Variants in LOXHD1 observed in about 807,000 individuals in gnomAD.
LOXHD1 encodes lipoxygenase homology domain-containing protein 1.
A neutral mutation model predicts 248.2 loss-of-function variants in LOXHD1; 205 were observed. The ratio of observed to expected loss-of-function variants is 0.83; its 90% CI spans 0.74 to 0.93. The LOEUF (loss-of-function observed/expected upper bound fraction) is 0.93. Ranked by LOEUF, LOXHD1 falls within the 40% of genes least tolerant of loss-of-function variation. The pLI is 0.00. For synonymous variants in LOXHD1, 1,113 were observed against 1,162.8 expected (o/e 0.96, Z 0.87); for missense variants, 2,930 against 2,971.6 (o/e 0.99, Z 0.33).
At chr18:46,593,198 TA>T (rs146099383) in intron 10 of LOXHD1, among the ~76,000 whole-genome samples, 52,067 of 151,996 alleles carry the variant, frequency 0.34, 10,860 homozygotes, top group Middle Eastern at 0.47. Context: ...AGCTGAATTT[TA>T]AAAAAAGTTC....
At chr18:46,641,448 T>C (rs1161738424) in intron 3 of LOXHD1, among the ~76,000 whole-genome samples, 6 of 152,246 alleles carry the variant, frequency 3.9e-5, no homozygotes, top group Admixed American at 3.3e-4. Flanking sequence ...AGACTGCGGA[T>C]GCTCTCTGTC....
intron 18 of LOXHD1, among the ~76,000 whole-genome samples, chr18:46,562,531 T>G (rs1353530113): frequency 6.6e-6 from 1 of 152,216 alleles, no homozygotes; most frequent in Non-Finnish European, 1.5e-5. Flanking sequence ...CCTGGGATAC[T>G]CAGGAAACAG....
At chr18:46,574,813 C>G (rs932960946) in intron 14 of LOXHD1, among the ~76,000 whole-genome samples, 1 of 152,062 alleles carries the variant, frequency 6.6e-6, no homozygotes, top group African/African-American at 2.4e-5. Flanking sequence ...GTGCAGAAGA[C>G]CAGACAAGGG....
intron 28 of LOXHD1, among the ~76,000 whole-genome samples, chr18:46,530,257 G>T (rs2036003576): frequency 6.6e-6 from 1 of 152,134 alleles, no homozygotes; most frequent in South Asian, 2.1e-4. Flanking sequence ...AACTTCCCTT[G>T]TCCTGGGAGG....
chr18:46,509,902 T>A, intron 34 of LOXHD1, 87 bp from the exon 35 acceptor site: 1 of 976,792 alleles, frequency 1.0e-6, no homozygotes, highest in East Asian at 2.6e-5. Flanking sequence ...AGGTTTGGGG[T>A]GAGGGAGAAG....
chr18:46,588,455 C>T (rs1487545298), intron 12 of LOXHD1, among the ~76,000 whole-genome samples: 1 of 152,156 alleles, frequency 6.6e-6, no homozygotes, highest in Non-Finnish European at 1.5e-5. Flanking sequence ...GATAGCCCCA[C>T]AATTGTACAC....
chr18:46,624,757 G>C (rs1432773594), intron 4 of LOXHD1, among the ~76,000 whole-genome samples: 1 of 152,158 alleles, frequency 6.6e-6, no homozygotes, highest in Non-Finnish European at 1.5e-5. Flanking sequence ...GACGATGGAT[G>C]ACAGGCTTTC....
chr18:46,541,677 T>G, intron 25 of LOXHD1, 99 bp downstream of exon 25: 1 of 1,368,870 alleles, frequency 7.3e-7, no homozygotes, highest in Non-Finnish European at 1.0e-6. Context: ...AAGGTGGGCC[T>G]GGCCCACAGT....
At chr18:46,577,685 C>G in intron 14 of LOXHD1, 22 bp downstream of exon 14, 1 of 1,545,798 alleles carries the variant, frequency 6.5e-7, no homozygotes, top group Non-Finnish European at 8.8e-7. Flanking sequence ...GGAGAAAACA[C>G]CAGCAGGCAG....
At chr18:46,630,667 C>T (rs1037757511) in intron 4 of LOXHD1, among the ~76,000 whole-genome samples, 1 of 152,154 alleles carries the variant, frequency 6.6e-6, no homozygotes, top group African/African-American at 2.4e-5. Context: ...ACTGAGTAGC[C>T]CTGCATTCTC....
chr18:46,624,407 G>T (rs1039038915), intron 4 of LOXHD1, among the ~76,000 whole-genome samples: 7 of 152,198 alleles, frequency 4.6e-5, no homozygotes, highest in Non-Finnish European at 8.8e-5. Flanking sequence ...ACACAGATGT[G>T]GGGAGGGGTT....
At chr18:46,559,100 C>A in intron 20 of LOXHD1, 1 of 1,306,988 alleles carries the variant, frequency 7.7e-7, no homozygotes, top group South Asian at 1.2e-5. Flanking sequence ...TAAGTTGCTC[C>A]CTCCCCCTAG....
chr18:46,511,062 G>T (rs1247850868), intron 34 of LOXHD1, among the ~76,000 whole-genome samples: 1 of 152,204 alleles, frequency 6.6e-6, no homozygotes, highest in Non-Finnish European at 1.5e-5. Context: ...TTAGCCAAGT[G>T]TCTTCATTTT....
At chr18:46,530,356 A>T (rs922464388) in intron 28 of LOXHD1, among the ~76,000 whole-genome samples, 3 of 152,192 alleles carry the variant, frequency 2.0e-5, no homozygotes, top group Non-Finnish European at 4.4e-5. Flanking sequence ...GGGCTTCTTT[A>T]CAGACTTGAA....
Position 46,541,925 on chromosome 18 carries a change from C to A in LOXHD1, c.3764G>T (p.Trp1255Leu). The A allele has an allele frequency of 1.3e-6, 2 of 1,551,452 alleles. No individual in the cohort carries two copies. Among genetic ancestry groups the A allele is most frequent in the Non-Finnish European group, 1.7e-6 (2 of 1,146,854 alleles). ...ATCCACCTCTACCCAGTCTACAAAC[C>A]AGCCTGGGGCCTTGCCTAGAGAGAG... ...GHDNTGKAPG[W>L]FVDWVEVDAP... The change falls in exon 25 of 41, where the codon TGG (tryptophan) becomes TTG (leucine). Residue 1255 changes from tryptophan to leucine, a missense_variant. By Grantham distance (61) the Trp-to-Leu change is moderately conservative. Transcript: ENST00000642948.
At chr18:46,636,262 AAAG>A (rs1478242003) in intron 4 of LOXHD1, among the ~76,000 whole-genome samples, 1 of 152,182 alleles carries the variant, frequency 6.6e-6, no homozygotes, top group East Asian at 1.9e-4. Context: ...AAGTGCATTT[AAAG>A]AAGAGCCTAG....
intron 34 of LOXHD1, among the ~76,000 whole-genome samples, chr18:46,515,580 G>A (rs536452341): frequency 6.6e-5 from 10 of 152,286 alleles, no homozygotes; most frequent in African/African-American, 2.2e-4. Context: ...TTCCAGAAAC[G>A]AGATGCCTCT....
At chr18:46,570,569 G>A (rs1225288609) in intron 15 of LOXHD1, among the ~76,000 whole-genome samples, 1 of 152,222 alleles carries the variant, frequency 6.6e-6, no homozygotes, top group African/African-American at 2.4e-5. Context: ...TGAGGAAATG[G>A]CCTCTATTCT....
At position 46,485,031 on chromosome 18, in the gene LOXHD1, C is replaced by T. The variant is rs939845241; in HGVS notation, c.6170G>A (p.Arg2057Gln). 4 of 1,550,880 alleles carry T rather than the reference C, an allele frequency of 2.6e-6. No homozygotes were observed. Among genetic ancestry groups the T allele is most frequent in the Admixed American group, 2.0e-5 (1 of 50,928 alleles). ...CTCCCCTTCCTACTTCCTAAAGGCCCGCTGCCTAGAAGAATTTTCCATGAG... is the reference window on the plus strand; with the variant it reads ...CTCCCCTTCCTACTTCCTAAAGGCCTGCTGCCTAGAAGAATTTTCCATGAG... ...EFLMENSSRQ[R>Q]AFRKGTTDTF... The change falls in exon 39 of 41, where the codon CGG becomes CAG. Residue 2057 changes from arginine (R) to glutamine (Q), a missense_variant. Transcript: ENST00000642948.
Sources: gnomAD v4.1 joint callset for allele counts (sites outside exome capture counted in the v4.1 genomes callset) on GRCh38, gnomAD v4.1.1 for gene constraint, MANE v1.5 for transcripts, NCBI Gene and HGNC (gene_info 2026-07-23, HGNC 2026-07-21) for gene names.